Variants in PDZD2 observed in about 807,000 individuals in gnomAD.
PDZD2 encodes PDZ domain containing 2.
In PDZD2, 90 loss-of-function variants were observed where a neutral mutation model predicts 220.7. The observed-to-expected ratio is 0.41, with a 90% CI of 0.34 to 0.49. The LOEUF is 0.49. PDZD2 is among the 20% of genes least tolerant of loss of function. PDZD2 has a pLI of 0.28. For synonymous variants in PDZD2, 1,375 were observed against 1,450.5 expected (o/e 0.95, Z 1.18); for missense variants, 3,174 against 3,608.5 (o/e 0.88, Z 3.08).
At chr5:31,975,813 T>TTTTTTTTTTG (rs1749709373) in intron 2 of PDZD2, among the ~76,000 whole-genome samples, 1 of 142,594 alleles carries the variant, frequency 7.0e-6, no homozygotes, top group Non-Finnish European at 1.5e-5. Context: ...ATTTATTTTT[T>TTTTTTTTTTG]TTTTTTTTGA....
At chr5:31,799,795 G>A in intron 2 of PDZD2, 71 bp downstream of exon 2, 1 of 993,142 alleles carries the variant, frequency 1.0e-6, no homozygotes, top group Non-Finnish European at 1.6e-6. Flanking sequence ...ATCTGCAGCT[G>A]CAGAGGTTTA....
chr5:31,675,516 C>CTTAGTACA (rs1478768773), intron 1 of PDZD2, among the ~76,000 whole-genome samples: 1 of 152,138 alleles, frequency 6.6e-6, no homozygotes, highest in African/African-American at 2.4e-5. Context: ...TTGATCTAGG[C>CTTAGTACA]ATTGTACTAA....
At chr5:31,838,514 G>T (rs776127847) in intron 2 of PDZD2, among the ~76,000 whole-genome samples, 1 of 152,200 alleles carries the variant, frequency 6.6e-6, no homozygotes, top group African/African-American at 2.4e-5. Flanking sequence ...CTTTGAGAAA[G>T]AAACTCACCC....
intron 2 of PDZD2, among the ~76,000 whole-genome samples, chr5:31,826,584 G>A (rs529501119): frequency 3.3e-5 from 5 of 151,748 alleles, no homozygotes; most frequent in African/African-American, 1.2e-4. Context: ...GCTGAGGCAG[G>A]AGAATCACTT....
intron 2 of PDZD2, among the ~76,000 whole-genome samples, chr5:31,860,119 G>A (rs1387885208): frequency 6.7e-6 from 1 of 149,408 alleles, no homozygotes; most frequent in Admixed American, 6.8e-5. Context: ...AGATGAGAAG[G>A]AGACTTGAAG....
chr5:31,726,254 C>T (rs911131968), intron 1 of PDZD2, among the ~76,000 whole-genome samples: 17 of 152,178 alleles, frequency 1.1e-4, no homozygotes, highest in African/African-American at 3.9e-4. Context: ...ATGGGCCGGG[C>T]GCGGTGGCTC....
chr5:31,876,197 G>T (rs1376493714), intron 2 of PDZD2, among the ~76,000 whole-genome samples: 18 of 151,554 alleles, frequency 1.2e-4, no homozygotes, highest in African/African-American at 3.9e-4. Flanking sequence ...TCTAGTTTTG[G>T]TTACTATACC....
chr5:31,981,261 TG>T (rs1032919157), intron 2 of PDZD2, among the ~76,000 whole-genome samples: 34 of 152,122 alleles, frequency 2.2e-4, no homozygotes, highest in Admixed American at 9.8e-4. Context: ...CCACCTTTTT[TG>T]TTGTTGTTGT....
Position 31,983,675 on chromosome 5 carries a change from A to G in PDZD2, c.978+19A>G. ...GGCACGGGTAAGGTTTGGTTTGATT[A>G]TGGAACCAGAATTTTATTTATCGTG... On this transcript the variant is annotated intron_variant, in intron 3 of 24. Coordinates refer to ENST00000438447, the MANE Select transcript of PDZD2 (RefSeq NM_178140.4). The G allele has an allele frequency of 1.3e-6, 2 of 1,596,520 alleles. No individual in the cohort carries two copies. Among genetic ancestry groups the G allele is most frequent in the Non-Finnish European group, 1.7e-6 (2 of 1,169,630 alleles).
At chr5:31,727,428 C>T (rs1407173275) in intron 1 of PDZD2, among the ~76,000 whole-genome samples, 1 of 152,172 alleles carries the variant, frequency 6.6e-6, no homozygotes, top group South Asian at 2.1e-4. Flanking sequence ...GTCACATGGC[C>T]GGGCGCGGTG....
chr5:31,769,257 G>A (rs112730789), intron 1 of PDZD2, among the ~76,000 whole-genome samples: 2,557 of 152,332 alleles, frequency 0.017, 63 homozygotes, highest in African/African-American at 0.058. Flanking sequence ...AGCAAATGCA[G>A]TTGGATCCCA....
chr5:31,865,811 T>G (rs1738174100), intron 2 of PDZD2, among the ~76,000 whole-genome samples: 1 of 151,244 alleles, frequency 6.6e-6, no homozygotes, highest in African/African-American at 2.4e-5. Flanking sequence ...TTTTGTATTT[T>G]TAGTAGAGGC....
chr5:31,781,813 C>T (rs1314745442), intron 1 of PDZD2, among the ~76,000 whole-genome samples: 2 of 152,104 alleles, frequency 1.3e-5, no homozygotes, highest in Admixed American at 6.6e-5. Flanking sequence ...TTTGTCAGTG[C>T]CTATTTCAGG....
intron 5 of PDZD2, 69 bp from the exon 6 acceptor site, chr5:32,010,261 G>A: frequency 9.1e-7 from 1 of 1,099,676 alleles, no homozygotes; most frequent in Non-Finnish European, 1.3e-6. Flanking sequence ...GACTGTGCCA[G>A]GTTGCCTTCA....
chr5:31,794,555 C>T (rs1753912967), intron 1 of PDZD2, among the ~76,000 whole-genome samples: 1 of 151,822 alleles, frequency 6.6e-6, no homozygotes, highest in Admixed American at 6.6e-5. Flanking sequence ...CGCCCACCAC[C>T]ACTCCCGGCT....
chr5:31,698,849 C>T (rs372867776), intron 1 of PDZD2, among the ~76,000 whole-genome samples: 2 of 152,308 alleles, frequency 1.3e-5, no homozygotes, highest in African/African-American at 2.4e-5. Flanking sequence ...AGGTCATCTG[C>T]CTTCAGAGCC....
rs1375688425 is a variant in PDZD2 at position 31,689,330 on chromosome 5, C to CATATGCATATATATATATATAT, written c.-361+49897_-361+49898insGCATATATATATATATATATAT. Among the ~76,000 whole-genome samples the CATATGCATATATATATATATAT allele has an allele frequency of 5.6e-4, 33 of 58,586 alleles. 3 individuals are homozygous for CATATGCATATATATATATATAT. Among genetic ancestry groups the CATATGCATATATATATATATAT allele is most frequent in the South Asian group, 1.7e-3 (3 of 1,742 alleles). The allele number at this position is 58,586 out of a possible 152,430, so 38.4% of individuals were successfully genotyped here. A position where few individuals can be genotyped will look rare whatever the true frequency, so the allele number is the denominator to read the frequency against. ...ATACATACATATACACATATATATA[C>CATATGCATATATATATATATAT]ATATACATATATATATATATATATT... is the stretch of plus-strand genomic sequence containing the variant. On this transcript the variant is annotated intron_variant, in intron 1 of 24. Transcript: ENST00000438447.
chr5:31,969,781 C>T (rs1196614838), intron 2 of PDZD2, among the ~76,000 whole-genome samples: 1 of 152,102 alleles, frequency 6.6e-6, no homozygotes, highest in Non-Finnish European at 1.5e-5. Flanking sequence ...TCAGTAAAGT[C>T]ATCTTTTAAA....
At chr5:31,893,489 G>A (rs933932357) in intron 2 of PDZD2, among the ~76,000 whole-genome samples, 11 of 152,136 alleles carry the variant, frequency 7.2e-5, no homozygotes, top group African/African-American at 2.7e-4. Flanking sequence ...AGAATCACTT[G>A]AACCTGGGAG....
Sources: allele counts gnomAD v4.1 joint callset (sites outside exome capture counted in the v4.1 genomes callset), GRCh38; gene constraint gnomAD v4.1.1; transcripts MANE v1.5; gene names NCBI Gene and HGNC (gene_info 2026-07-23, HGNC 2026-07-21).